The following SBF2 variants were observed in gnomAD, a reference collection of about 807,000 sequenced individuals.
The protein encoded by SBF2 is SET binding factor 2.
In SBF2, 112 loss-of-function variants were observed where a neutral mutation model predicts 225.2. That is an observed-to-expected ratio of 0.50 (90% CI 0.43 to 0.58). The LOEUF is 0.58. SBF2 is among the 20% of genes least tolerant of loss of function. The pLI, the probability that SBF2 is intolerant of heterozygous loss-of-function variation, is 0.00. For synonymous variants in SBF2, 763 were observed against 773.3 expected, an observed-to-expected ratio of 0.99 and a Z score of 0.22; for missense variants, 1,996 against 2,206.2, an observed-to-expected ratio of 0.90 and a Z score of 1.91.
chr11:10,253,309 A>G (rs1357344293), intron 1 of SBF2, among the ~76,000 whole-genome samples: 2 of 152,114 alleles, frequency 1.3e-5, no homozygotes, highest in East Asian at 3.8e-4. Context: ...TTATGAGAGA[A>G]AGGAAAGCAG....
chr11:10,247,671 G>C (rs146397540), intron 1 of SBF2, among the ~76,000 whole-genome samples: 5 of 152,140 alleles, frequency 3.3e-5, no homozygotes, highest in South Asian at 2.1e-4. Flanking sequence ...CTCCAGGCCT[G>C]GGTGAAAGAG....
At chr11:10,135,984 T>C (rs1195705301) in intron 2 of SBF2, among the ~76,000 whole-genome samples, 1 of 152,102 alleles carries the variant, frequency 6.6e-6, no homozygotes, top group Non-Finnish European at 1.5e-5. Flanking sequence ...ACATACCTGA[T>C]ACTGGGCGAT....
intron 12 of SBF2, among the ~76,000 whole-genome samples, chr11:9,990,216 A>G (rs1947365870): frequency 6.6e-6 from 1 of 152,220 alleles, no homozygotes; most frequent in African/African-American, 2.4e-5. Flanking sequence ...TGACAAAAAT[A>G]AAAAGGTACA....
chr11:9,896,623 C>T (rs1023789108), intron 16 of SBF2, among the ~76,000 whole-genome samples: 1 of 152,040 alleles, frequency 6.6e-6, no homozygotes, highest in African/African-American at 2.4e-5. Flanking sequence ...GAAACCCTGT[C>T]TCTACTAAAA....
At chr11:10,174,128 T>C (rs201283603) in intron 2 of SBF2, among the ~76,000 whole-genome samples, 13,833 of 151,062 alleles carry the variant, frequency 0.092, 862 homozygotes, top group East Asian at 0.27. Flanking sequence ...AGCAACACAG[T>C]TCCTCACCAG....
intron 2 of SBF2, among the ~76,000 whole-genome samples, chr11:10,095,884 C>A (rs1350075608): frequency 1.3e-5 from 2 of 151,710 alleles, no homozygotes; most frequent in African/African-American, 4.8e-5. Flanking sequence ...AGTCTCAGAG[C>A]GGGGGAAAAA....
chr11:9,782,244 G>A (rs1396686770), intron 38 of SBF2, among the ~76,000 whole-genome samples: 1 of 151,204 alleles, frequency 6.6e-6, no homozygotes, highest in African/African-American at 2.4e-5. Flanking sequence ...TATAAAAAGA[G>A]GGCTAATGTT....
intron 2 of SBF2, among the ~76,000 whole-genome samples, chr11:10,065,475 T>C (rs1017691170): frequency 6.6e-5 from 10 of 152,006 alleles, no homozygotes; most frequent in African/African-American, 2.4e-4. Context: ...AAAAGTTTGT[T>C]CTTTGAGATA....
intron 16 of SBF2, among the ~76,000 whole-genome samples, chr11:9,917,761 C>T (rs895231901): frequency 3.3e-5 from 5 of 151,224 alleles, no homozygotes; most frequent in African/African-American, 4.9e-5. Flanking sequence ...ATATAAAGCA[C>T]CACTGGAATC....
chr11:9,931,864 A>G (rs1399032081), intron 16 of SBF2, among the ~76,000 whole-genome samples: 25 of 152,314 alleles, frequency 1.6e-4, no homozygotes, highest in African/African-American at 6.0e-4. Context: ...AACCCATCGC[A>G]AGGAAGCTAA....
chr11:10,262,003 T>A (rs1365040478), intron 1 of SBF2, among the ~76,000 whole-genome samples: 2 of 152,174 alleles, frequency 1.3e-5, no homozygotes, highest in African/African-American at 4.8e-5. Context: ...GGGCATAATA[T>A]ACTGTATCTT....
intron 2 of SBF2, among the ~76,000 whole-genome samples, chr11:10,071,032 G>C (rs777089695): frequency 5.3e-4 from 80 of 152,258 alleles, no homozygotes; most frequent in Non-Finnish European, 5.3e-4. Flanking sequence ...CACTGCTGAA[G>C]CTGCCTATCA....
chr11:9,801,207 A>G (rs1238508377), intron 32 of SBF2, among the ~76,000 whole-genome samples: 1 of 152,126 alleles, frequency 6.6e-6, no homozygotes, highest in Non-Finnish European at 1.5e-5. Flanking sequence ...ATAATTTTGT[A>G]TTTATTTTGT....
At chr11:9,935,394 T>C (rs372029689) in intron 16 of SBF2, among the ~76,000 whole-genome samples, 1 of 152,102 alleles carries the variant, frequency 6.6e-6, no homozygotes, top group African/African-American at 2.4e-5. Flanking sequence ...GTAATTTATA[T>C]ATTCAATGCC....
intron 16 of SBF2, among the ~76,000 whole-genome samples, chr11:9,927,789 A>G (rs982936714): frequency 1.3e-5 from 2 of 152,208 alleles, no homozygotes; most frequent in African/African-American, 4.8e-5. Flanking sequence ...AACAGATAAG[A>G]GAGTATCTAC....
At chr11:10,295,255 G>A (rs1300429335), upstream of SBF2, among the ~76,000 whole-genome samples, 1 of 152,156 alleles carries the variant, frequency 6.6e-6, no homozygotes, top group African/African-American at 2.4e-5. Flanking sequence ...TTAGCAAAGC[G>A]TCTAGTATAT....
At chr11:10,229,983 G>C in intron 1 of SBF2, among the ~76,000 whole-genome samples, 1 of 152,134 alleles carries the variant, frequency 6.6e-6, no homozygotes, top group East Asian at 1.9e-4. Flanking sequence ...CTTGCTTTAT[G>C]AATCTGGGTG....
chr11:10,261,019 T>A (rs1961378279), intron 1 of SBF2, among the ~76,000 whole-genome samples: 1 of 152,106 alleles, frequency 6.6e-6, no homozygotes, highest in African/African-American at 2.4e-5. Context: ...GCAAATGATC[T>A]GAACAGACCC....
chr11:9,994,577 CAT>C (rs377348270), intron 9 of SBF2, among the ~76,000 whole-genome samples: 38 of 134,042 alleles, frequency 2.8e-4, no homozygotes, highest in East Asian at 9.8e-4. Context: ...TATATATGTA[CAT>C]ATATATATAT....
Sources: gnomAD v4.1 joint callset for allele counts (sites outside exome capture counted in the v4.1 genomes callset) on GRCh38, gnomAD v4.1.1 for gene constraint, MANE v1.5 for transcripts, NCBI Gene and HGNC (gene_info 2026-07-23, HGNC 2026-07-21) for gene names.